ZC3H12B: variants seen among roughly 807,000 people sequenced by gnomAD.
ZC3H12B encodes zinc finger CCCH-type containing 12B.
In ZC3H12B, 7 loss-of-function variants were observed where a neutral mutation model predicts 43.9. That is an observed-to-expected ratio of 0.16 (90% CI 0.09 to 0.30). The LOEUF (loss-of-function observed/expected upper bound fraction) is 0.30, where lower values mean the gene tolerates loss of function less well. Ranked by LOEUF, ZC3H12B falls within the 10% of genes least tolerant of loss-of-function variation. The pLI, the probability that ZC3H12B is intolerant of heterozygous loss-of-function variation, is 1.00. For synonymous variants in ZC3H12B, 222 were observed against 241.7 expected (o/e 0.92, Z 0.76); for missense variants, 475 against 670.2 (o/e 0.71, Z 3.22).
the ZC3H12B span, among the ~76,000 whole-genome samples, chrX:65,234,890 C>T: frequency 9.0e-6 from 1 of 111,540 alleles, no homozygotes. Context: ...CTTGTTTCCT[C>T]CCTATGTGTT....
At chrX:65,376,966 T>A (rs2066354944) in intron 2 of ZC3H12B, among the ~76,000 whole-genome samples, 1 of 110,976 alleles carries the variant, frequency 9.0e-6, no homozygotes, top group African/African-American at 3.3e-5. Flanking sequence ...ATATGTGACC[T>A]TTCAGATAGA....
At chrX:65,340,539 A>C in the ZC3H12B span, among the ~76,000 whole-genome samples, 2 of 111,968 alleles carry the variant, frequency 1.8e-5, no homozygotes, top group African/African-American at 6.5e-5. Flanking sequence ...GAACAAAATT[A>C]GGGCCCAATA....
At chrX:65,113,283 A>T in the ZC3H12B span, among the ~76,000 whole-genome samples, 15 of 112,091 alleles carry the variant, frequency 1.3e-4, no homozygotes, top group Admixed American at 1.3e-3. Context: ...CCTGGTGAAG[A>T]TGCTATGAAC....
the ZC3H12B span, among the ~76,000 whole-genome samples, chrX:65,120,008 G>C: frequency 1.1e-4 from 12 of 111,495 alleles, no homozygotes; most frequent in Admixed American, 1.9e-4. Flanking sequence ...TGGTCTATAT[G>C]TCTGTTTTGG....
chrX:65,450,743 A>ACATATGTGTATATATGTATATG (rs2067482400), intron 3 of ZC3H12B, among the ~76,000 whole-genome samples: 2 of 43,738 alleles, frequency 4.6e-5, no homozygotes, highest in Non-Finnish European at 6.1e-5. Flanking sequence ...ATGTATATAT[A>ACATATGTGTATATATGTATATG]TATACATATG....
At chrX:65,156,024 A>G in the ZC3H12B span, among the ~76,000 whole-genome samples, 6,661 of 111,036 alleles carry the variant, frequency 0.06, 204 homozygotes, top group Non-Finnish European at 0.097. Flanking sequence ...TTGAATAATT[A>G]GTCAAGGTTT....
the ZC3H12B span, among the ~76,000 whole-genome samples, chrX:65,353,561 A>T: frequency 9.0e-6 from 1 of 111,691 alleles, no homozygotes; most frequent in Non-Finnish European, 1.9e-5. Context: ...TATAATTAAA[A>T]CTGCTAGTTT....
chrX:65,352,867 G>T, the ZC3H12B span, among the ~76,000 whole-genome samples: 1 of 111,436 alleles, frequency 9.0e-6, no homozygotes, highest in Non-Finnish European at 1.9e-5. Context: ...TTGTTTTCTG[G>T]GATAGGGTCT....
intron 3 of ZC3H12B, among the ~76,000 whole-genome samples, chrX:65,439,163 T>G (rs1342460275): frequency 8.9e-6 from 1 of 112,498 alleles, no homozygotes; most frequent in Non-Finnish European, 1.9e-5. Flanking sequence ...GCACTCCAGT[T>G]CCTGGCATTA....
At chrX:65,391,912 C>T (rs1004460550) in intron 2 of ZC3H12B, among the ~76,000 whole-genome samples, 3 of 111,185 alleles carry the variant, frequency 2.7e-5, no homozygotes, top group East Asian at 2.8e-4. Context: ...ATTGCAGGTG[C>T]GCACCACCAC....
chrX:65,139,820 C>A, the ZC3H12B span, among the ~76,000 whole-genome samples: 20 of 111,232 alleles, frequency 1.8e-4, no homozygotes, highest in African/African-American at 1.3e-4. Context: ...TACATTTATT[C>A]CTAAGCATTT....
At chrX:65,216,216 G>C in the ZC3H12B span, among the ~76,000 whole-genome samples, 1 of 111,862 alleles carries the variant, frequency 8.9e-6, no homozygotes, top group Non-Finnish European at 1.9e-5. Context: ...CAAGGAAAGG[G>C]TTATTGGAAA....
chrX:65,121,645 T>C, the ZC3H12B span, among the ~76,000 whole-genome samples: 1 of 111,600 alleles, frequency 9.0e-6, no homozygotes, highest in African/African-American at 3.3e-5. Context: ...GTGTCTCTAT[T>C]TCCTTCATTT....
the ZC3H12B span, among the ~76,000 whole-genome samples, chrX:65,125,402 T>C: frequency 9.0e-6 from 1 of 111,712 alleles, no homozygotes; most frequent in Non-Finnish European, 1.9e-5. Flanking sequence ...GACTTGTTTA[T>C]GGACTATCTT....
At chrX:65,289,753 T>C in the ZC3H12B span, among the ~76,000 whole-genome samples, 1 of 110,153 alleles carries the variant, frequency 9.1e-6, no homozygotes, top group African/African-American at 3.3e-5. Context: ...CACTCTTCAA[T>C]AAATGGTGCT....
the ZC3H12B span, among the ~76,000 whole-genome samples, chrX:65,167,881 G>C: frequency 8.9e-6 from 1 of 112,064 alleles, no homozygotes; most frequent in Non-Finnish European, 1.9e-5. Flanking sequence ...TTACACATTA[G>C]TTCTGTATCC....
the ZC3H12B span, among the ~76,000 whole-genome samples, chrX:65,057,879 T>C: frequency 8.9e-6 from 1 of 112,356 alleles, no homozygotes; most frequent in South Asian, 3.7e-4. Context: ...TCGAATTGGC[T>C]ACTGAAGCTT....
At chrX:65,286,552 C>T in the ZC3H12B span, among the ~76,000 whole-genome samples, 1 of 109,878 alleles carries the variant, frequency 9.1e-6, no homozygotes, top group Non-Finnish European at 1.9e-5. Context: ...ACCCTTTGAA[C>T]CTAAAATAAA....
At chrX:65,236,851 G>A in the ZC3H12B span, among the ~76,000 whole-genome samples, 1 of 111,597 alleles carries the variant, frequency 9.0e-6, no homozygotes, top group Non-Finnish European at 1.9e-5. Flanking sequence ...TAGATCAGAT[G>A]GTTGTAGGTG....
Sources: gnomAD v4.1 joint callset for allele counts (sites outside exome capture counted in the v4.1 genomes callset) on GRCh38, gnomAD v4.1.1 for gene constraint, MANE v1.5 for transcripts, NCBI Gene and HGNC (gene_info 2026-07-23, HGNC 2026-07-21) for gene names.